KCNN2: variants seen among roughly 807,000 people sequenced by gnomAD.
KCNN2 encodes the protein potassium calcium-activated channel subfamily N member 2.
A neutral mutation model predicts 55.5 loss-of-function variants in KCNN2; 24 were observed. The observed-to-expected ratio is 0.43, with a 90% confidence interval of 0.31 to 0.61. The LOEUF is 0.61. KCNN2 is among the 20% of genes least tolerant of loss of function. KCNN2 has a pLI of 0.08. For missense variants in KCNN2, 754 were observed against 853.6 expected (o/e 0.88, Z 1.45); for synonymous variants, 431 against 336.1 (o/e 1.28, Z -3.09).
At chr5:114,489,367 A>T (rs1747736184) in intron 6 of KCNN2, among the ~76,000 whole-genome samples, 1 of 152,162 alleles carries the variant, frequency 6.6e-6, no homozygotes, top group Admixed American at 6.6e-5. Flanking sequence ...CCTACAAGGC[A>T]TGTCGGCCCT....
At chr5:114,167,430 A>G (rs1336969648) in intron 1 of KCNN2, among the ~76,000 whole-genome samples, 1 of 152,158 alleles carries the variant, frequency 6.6e-6, no homozygotes, top group Non-Finnish European at 1.5e-5. Context: ...CAGAGCAAAT[A>G]GAAGTGATCA....
intron 2 of KCNN2, among the ~76,000 whole-genome samples, chr5:114,322,519 A>G (rs1000922819): frequency 7.9e-5 from 12 of 152,060 alleles, no homozygotes; most frequent in Non-Finnish European, 1.6e-4. Context: ...TACTCTTTTC[A>G]TTGAACTTCA....
chr5:114,259,561 T>C (rs1017144871), intron 2 of KCNN2, among the ~76,000 whole-genome samples: 1 of 152,124 alleles, frequency 6.6e-6, no homozygotes, highest in African/African-American at 2.4e-5. Context: ...ATGGCACATG[T>C]ATACATATGT....
chr5:114,458,692 G>A (rs1484348462), intron 3 of KCNN2, among the ~76,000 whole-genome samples: 3 of 152,168 alleles, frequency 2.0e-5, no homozygotes, highest in Non-Finnish European at 4.4e-5. Context: ...ATGACCCAAA[G>A]TAACGTTTAT....
At chr5:114,309,713 A>G (rs774363230) in intron 2 of KCNN2, among the ~76,000 whole-genome samples, 3 of 152,148 alleles carry the variant, frequency 2.0e-5, no homozygotes, top group Non-Finnish European at 4.4e-5. Context: ...TATCTAGGAG[A>G]GTCAACCATA....
chr5:114,241,800 ATATACG>A (rs1561537229), intron 2 of KCNN2, among the ~76,000 whole-genome samples: 469 of 30,622 alleles, frequency 0.015, 157 homozygotes, highest in Admixed American at 0.055. Context: ...ATATGTATAT[ATATACG>A]TATATATATA....
chr5:114,056,502 T>C lies in KCNN2; in HGVS notation c.-271+2T>C, dbSNP rs1043587874. The C allele has an allele frequency of 1.5e-5, 6 of 398,224 alleles. No individual in the cohort carries two copies. Among genetic ancestry groups the C allele is most frequent in the Non-Finnish European group, 2.7e-5 (6 of 225,978 alleles). The allele number at this position is 398,224 out of a possible 1,614,324, so 24.7% of individuals were successfully genotyped here. A position where few individuals can be genotyped will look rare whatever the true frequency, so the allele number is the denominator to read the frequency against. On this transcript the variant is annotated splice_donor_variant, in intron 1 of 10. Coordinates refer to the KCNN2 transcript ENST00000512097. LOFTEE classifies it low-confidence loss of function (5UTR_SPLICE). ...CGGGACTCCTGGTTGCAGAACGAGG[T>C]AAGGTCGCGACTAAGGTGACATTGA...
intron 7 of KCNN2, among the ~76,000 whole-genome samples, chr5:114,495,426 A>T (rs1457011824): frequency 6.6e-6 from 1 of 152,134 alleles, no homozygotes; most frequent in Non-Finnish European, 1.5e-5. Flanking sequence ...TACCCTCAAC[A>T]TTTCTGCTAC....
chr5:114,384,961 CTTAA>C (rs74332448), intron 2 of KCNN2, among the ~76,000 whole-genome samples: 9,831 of 152,194 alleles, frequency 0.065, 430 homozygotes, highest in Non-Finnish European at 0.096. Flanking sequence ...AGGAACTGGT[CTTAA>C]TTATGTTTTT....
At chr5:114,281,591 GTC>G (rs146112749) in intron 2 of KCNN2, among the ~76,000 whole-genome samples, 22 of 146,750 alleles carry the variant, frequency 1.5e-4, no homozygotes, top group East Asian at 2.0e-4. Context: ...GTCAATCTCT[GTC>G]TCTCTCTCTC....
intron 2 of KCNN2, among the ~76,000 whole-genome samples, chr5:114,388,318 C>T (rs1431073859): frequency 3.3e-5 from 5 of 152,044 alleles, no homozygotes; most frequent in Non-Finnish European, 7.4e-5. Context: ...AGATGTTATG[C>T]AATTTATATC....
At chr5:114,284,245 T>A (rs1252155052) in intron 2 of KCNN2, among the ~76,000 whole-genome samples, 1 of 152,118 alleles carries the variant, frequency 6.6e-6, no homozygotes, top group Non-Finnish European at 1.5e-5. Flanking sequence ...TTTAATCGAG[T>A]TTTTTAGTCA....
At chr5:114,361,332 C>G (rs1213521127), upstream of KCNN2, among the ~76,000 whole-genome samples, 1 of 152,094 alleles carries the variant, frequency 6.6e-6, no homozygotes, top group African/African-American at 2.4e-5. Context: ...TAGAGCGCCG[C>G]GCACCCAATC....
intron 1 of KCNN2, among the ~76,000 whole-genome samples, chr5:114,188,777 A>C (rs552353956): frequency 6.6e-6 from 1 of 152,306 alleles, no homozygotes; most frequent in African/African-American, 2.4e-5. Flanking sequence ...TCATGTTGAA[A>C]ATTATTATAT....
intron 3 of KCNN2, among the ~76,000 whole-genome samples, chr5:114,405,075 T>C (rs1055650616): frequency 6.6e-6 from 1 of 152,198 alleles, no homozygotes; most frequent in Admixed American, 6.5e-5. Flanking sequence ...ATTTGATCAG[T>C]TTTCAGTAGA....
chr5:114,081,424 C>T (rs1158331549), intron 1 of KCNN2, among the ~76,000 whole-genome samples: 1 of 152,164 alleles, frequency 6.6e-6, no homozygotes, highest in East Asian at 1.9e-4. Context: ...CAGTGTAGTA[C>T]TGGCATACAG....
intron 2 of KCNN2, among the ~76,000 whole-genome samples, chr5:114,391,292 A>T (rs150670103): frequency 7.2e-4 from 109 of 152,286 alleles, no homozygotes; most frequent in African/African-American, 2.6e-3. Context: ...GGTCCATGGA[A>T]TGCTAATACT....
chr5:114,489,882 C>T (rs1207692689), intron 6 of KCNN2, among the ~76,000 whole-genome samples: 1 of 152,114 alleles, frequency 6.6e-6, no homozygotes, highest in Non-Finnish European at 1.5e-5. Context: ...AAAATTCATT[C>T]GATAGATCAC....
intron 2 of KCNN2, among the ~76,000 whole-genome samples, chr5:114,293,633 G>A (rs943842727): frequency 2.0e-5 from 3 of 152,168 alleles, no homozygotes; most frequent in South Asian, 4.1e-4. Flanking sequence ...TGTTCTTCAA[G>A]GATATCGGTC....
Sources: allele counts gnomAD v4.1 joint callset (sites outside exome capture counted in the v4.1 genomes callset), GRCh38; gene constraint gnomAD v4.1.1; transcripts MANE v1.5; gene names NCBI Gene and HGNC (gene_info 2026-07-23, HGNC 2026-07-21).